The following GRID2IP variants were observed in gnomAD, a reference collection of about 807,000 sequenced individuals.
The protein encoded by GRID2IP is Grid2 interacting protein, also known as delphilin.
In GRID2IP, 78 loss-of-function variants were observed where a neutral mutation model predicts 114.3. The observed-to-expected ratio is 0.68, with a 90% confidence interval of 0.57 to 0.82. GRID2IP has a LOEUF of 0.82. Among genes scored for constraint, GRID2IP ranks in the 40% least tolerant of loss-of-function variants. The probability of loss-of-function intolerance (pLI) is 0.00; values close to 1 mark genes in which losing one functional copy is unlikely to be tolerated. For synonymous variants in GRID2IP, 809 were observed against 724.0 expected (o/e 1.12, Z -1.89); for missense variants, 1,727 against 1,678.5 (o/e 1.03, Z -0.51).
Position 6,520,676 on chromosome 7 carries a change from C to T in GRID2IP, c.1170G>A (p.Arg390=), listed in dbSNP as rs1314196604. 2.6e-6 allele frequency: 4 copies of T among 1,551,690 alleles called. No homozygotes were observed. The highest frequency in any genetic ancestry group is 1.2e-5 in the South Asian group (1 of 84,058). ...GCTGGCTGAAGGTCCTCCCTTGGAC[C>T]CGGATGCTGGACGGCAGGATCTCCG... ...WVAEILPSSI[R]VQGRTFSQQL... The change falls in exon 7 of 22, where the codon CGG becomes CGA. Residue 390 remains arginine (R), a synonymous_variant. Transcript: ENST00000457091. This position sits in a 1 kb window ranked among gnomAD's most constrained non-coding sequence, Gnocchi z 4.6.
intron 1 of GRID2IP, among the ~76,000 whole-genome samples, chr7:6,549,466 C>T (rs913579544): frequency 3.9e-5 from 6 of 152,202 alleles, no homozygotes; most frequent in African/African-American, 1.4e-4. Context: ...CTGGTTTGTG[C>T]CAAAGTCAAG....
At position 6,536,346 on chromosome 7, in the gene GRID2IP, G is replaced by C. The variant is rs1779721994; in HGVS notation, c.584+3372C>G. ...CTGCCGTTTCAAGCTGCGGGGACTG[G>C]GCATCCCCAGGTGTCCAGGGCTCCC... On this transcript the variant is annotated intron_variant, in intron 2 of 21. Coordinates refer to ENST00000457091, the MANE Select transcript of GRID2IP (RefSeq NM_001145118.2). The surrounding 1 kb of genome is among the most constrained non-coding windows in gnomAD (Gnocchi z 5.3). Among the ~76,000 whole-genome samples, 1 of 152,214 alleles carries C rather than the reference G, an allele frequency of 6.6e-6. No homozygotes were observed. The highest frequency in any genetic ancestry group is 2.4e-5 in the African/African-American group (1 of 41,462).
At chr7:6,515,721 T>C (rs114084353) in intron 7 of GRID2IP, among the ~76,000 whole-genome samples, 2,859 of 150,908 alleles carry the variant, frequency 0.019, 96 homozygotes, top group African/African-American at 0.066. Flanking sequence ...GAGGCGGAGG[T>C]TGCACCGAGC....
chr7:6,500,845 C>T (rs1786395209), intron 20 of GRID2IP, among the ~76,000 whole-genome samples: 1 of 152,246 alleles, frequency 6.6e-6, no homozygotes. Context: ...GCCTCTGTCA[C>T]CCACTGGCCA....
chr7:6,514,606 G>T, intron 7 of GRID2IP, 77 bp from the exon 8 acceptor site: 1 of 1,312,982 alleles, frequency 7.6e-7, no homozygotes, highest in Non-Finnish European at 1.0e-6. Context: ...TAGACAAGAC[G>T]GCACTTCCAA....
At chr7:6,515,157 T>G (rs1408752070) in intron 7 of GRID2IP, among the ~76,000 whole-genome samples, 6 of 151,964 alleles carry the variant, frequency 3.9e-5, no homozygotes, top group Non-Finnish European at 4.4e-5. Flanking sequence ...AGAGCTGTTG[T>G]GAAGATTAAA....
At position 6,512,083 on chromosome 7, in the gene GRID2IP, A is replaced by ATT. The variant is rs548008337; in HGVS notation, c.1424-1046_1424-1045dup. On this transcript the variant is annotated intron_variant, in intron 8 of 21. Coordinates refer to ENST00000457091, the MANE Select transcript of GRID2IP (RefSeq NM_001145118.2). ...CCACCATGCCTGGCTAAATTTTTGTATTTTTTTTTTTTAAGCAGAGATGGG... is the reference window on the plus strand; with the variant it reads ...CCACCATGCCTGGCTAAATTTTTGTATTTTTTTTTTTTTTAAGCAGAGATGGG... Among the ~76,000 whole-genome samples, 5 of 139,792 alleles carry ATT rather than the reference A, an allele frequency of 3.6e-5. No homozygotes were observed. The South Asian group carries it at 9.2e-4, about 26-fold the overall frequency. 91.7% of individuals were successfully genotyped at this position (139,792 alleles called of 152,430 possible). A position where few individuals can be genotyped will look rare whatever the true frequency, so the allele number is the denominator to read the frequency against.
Position 6,508,285 on chromosome 7 carries a change from G to A in GRID2IP, c.2244C>T (p.His748=). The A allele has an allele frequency of 7.8e-6, 12 of 1,547,846 alleles. No homozygotes were observed. The highest frequency in any genetic ancestry group is 1.4e-5 in the African/African-American group (1 of 72,970). Residue 748 remains histidine (H), a synonymous_variant, in exon 13 of 22, where the codon CAC becomes CAT. Coordinates refer to ENST00000457091, the MANE Select transcript of GRID2IP (RefSeq NM_001145118.2). This position sits in a 1 kb window ranked among gnomAD's most constrained non-coding sequence, Gnocchi z 5.6. The part of the protein sequence containing the change: ...SSLTYSSISD[H]IPPPPLSPPP... Reference sequence around the variant, plus strand: ...GGGGGCTGAGCGGGGGTGGGGGGATGTGGTCAGAGATGGAGGAGTAGGTCA... The same window carrying A: ...GGGGGCTGAGCGGGGGTGGGGGGATATGGTCAGAGATGGAGGAGTAGGTCA...
chr7:6,551,118 A>T lies in GRID2IP; in HGVS notation c.319T>A (p.Cys107Ser), dbSNP rs2115106510. 7.7e-7 allele frequency: 1 copy of T among 1,295,862 alleles called. No homozygotes were observed. The highest frequency in any genetic ancestry group is 9.7e-7 in the Non-Finnish European group (1 of 1,025,942). The allele number at this position is 1,295,862 out of a possible 1,614,324, so 80.3% of individuals were successfully genotyped here. A position where few individuals can be genotyped will look rare whatever the true frequency, so the allele number is the denominator to read the frequency against. ...CGGCCCAGAGCTAGGCCGCGGCCGC[A>T]CCGCGGGGCCCGCAAGACTGTGGTC... Reference protein sequence around the residue: ...APTTVLRAPRCGRGLALGREL... With the variant: ...APTTVLRAPRSGRGLALGREL... The change falls in exon 1 of 22, where the codon TGC becomes AGC. Residue 107 changes from cysteine to serine, a missense_variant. Physicochemically the swap from Cys to Ser is moderately radical, Grantham distance 112. Coordinates refer to ENST00000457091, the MANE Select transcript of GRID2IP (RefSeq NM_001145118.2).
intron 2 of GRID2IP, among the ~76,000 whole-genome samples, chr7:6,533,426 A>G (rs1288223911): frequency 6.6e-6 from 1 of 152,118 alleles, no homozygotes; most frequent in Non-Finnish European, 1.5e-5. Context: ...TGGCATGATC[A>G]TGAATCACTG....
intron 18 of GRID2IP, 22 bp from the exon 19 acceptor site, chr7:6,502,140 C>T (rs536057091): frequency 6.4e-7 from 1 of 1,550,400 alleles, no homozygotes; most frequent in South Asian, 1.2e-5. Flanking sequence ...CCCCAATATA[C>T]ATTCCCGTCA....
In GRID2IP at chr7:6,509,253, T is replaced by C; in HGVS notation, c.1832A>G (p.Tyr611Cys). 1 of 1,525,186 alleles carries C rather than the reference T, an allele frequency of 6.6e-7. No individual in the cohort carries two copies. Among genetic ancestry groups the C allele is most frequent in the Non-Finnish European group, 8.8e-7 (1 of 1,134,136 alleles). The allele number at this position is 1,525,186 out of a possible 1,614,324, so 94.5% of individuals were successfully genotyped here. A position where few individuals can be genotyped will look rare whatever the true frequency, so the allele number is the denominator to read the frequency against. Reference sequence around the variant, plus strand: ...CAGACCCCCCGAACACAGCGGGTGGTAGCAGGGGGAGGGCAAGAGTCGCTC... The same window carrying C: ...CAGACCCCCCGAACACAGCGGGTGGCAGCAGGGGGAGGGCAAGAGTCGCTC... ...PSERLLPSPCYHPLCSGGLAS... is the reference protein window; with the variant it reads ...PSERLLPSPCCHPLCSGGLAS... Residue 611 changes from tyrosine to cysteine, a missense_variant, in exon 12 of 22, where the codon TAC (tyrosine) becomes TGC (cysteine). By Grantham distance (194) the Tyr-to-Cys change is radical. Transcript: ENST00000457091. The surrounding 1 kb of genome is among the most constrained non-coding windows in gnomAD (Gnocchi z 4.9).
At chr7:6,498,572 C>CTTTTTTTTT (rs34146767) in intron 20 of GRID2IP, among the ~76,000 whole-genome samples, 1 of 68,128 alleles carries the variant, frequency 1.5e-5, no homozygotes, top group African/African-American at 7.3e-5. Flanking sequence ...CTAGGCCTTA[C>CTTTTTTTTT]TTTTTTTTTT....
chr7:6,546,699 C>T (rs1003130573), intron 1 of GRID2IP, among the ~76,000 whole-genome samples: 3 of 152,080 alleles, frequency 2.0e-5, no homozygotes, highest in Non-Finnish European at 2.9e-5. Flanking sequence ...CAAAATCCTC[C>T]ACTTCCCCGT....
chr7:6,503,449 G>A, intron 16 of GRID2IP, 42 bp downstream of exon 16: 1 of 1,472,410 alleles, frequency 6.8e-7, no homozygotes, highest in Non-Finnish European at 8.9e-7. Flanking sequence ...CAGCCCCTGT[G>A]GAGCCGGCCG....
Position 6,551,193 on chromosome 7 carries a change from G to A in GRID2IP, c.244C>T (p.Leu82Phe). The change falls in exon 1 of 22, where the codon CTC becomes TTC. Residue 82 changes from leucine to phenylalanine, a missense_variant. Coordinates refer to ENST00000457091, the MANE Select transcript of GRID2IP (RefSeq NM_001145118.2). ...CCGGGGCCACCGTCGGGAGCCGGGA[G>A]CACGCCCAGACTGGGCGGCACACGT... ...CPRVPPSLGV[L>F]PAPDGGPGPG... is the part of the protein sequence containing the mutation. The A allele has an allele frequency of 7.1e-7, 1 of 1,416,416 alleles. No individual in the cohort carries two copies. Among genetic ancestry groups the A allele is most frequent in the Non-Finnish European group, 9.1e-7 (1 of 1,094,868 alleles). The allele number at this position is 1,416,416 out of a possible 1,614,324, so 87.7% of individuals were successfully genotyped here.
chr7:6,503,310 CCG>C, intron 16 of GRID2IP, 147 bp from the exon 17 acceptor site: 1 of 1,056,034 alleles, frequency 9.5e-7, no homozygotes, highest in South Asian at 1.7e-5. Context: ...CTGGGGGAGC[CCG>C]CCTCCCATGT....
intron 1 of GRID2IP, among the ~76,000 whole-genome samples, chr7:6,544,760 G>A (rs949174246): frequency 3.9e-5 from 6 of 152,068 alleles, no homozygotes; most frequent in Non-Finnish European, 5.9e-5. Flanking sequence ...AGACCAGCCT[G>A]GGCAACATAA....
intron 1 of GRID2IP, among the ~76,000 whole-genome samples, chr7:6,545,943 G>C (rs1293594955): frequency 1.3e-5 from 2 of 152,056 alleles, no homozygotes; most frequent in African/African-American, 4.8e-5. Flanking sequence ...TGGCTGCAGA[G>C]ATGTTTTATG....
Sources: gnomAD v4.1 joint callset for allele counts (sites outside exome capture counted in the v4.1 genomes callset) on GRCh38, gnomAD v4.1.1 for gene constraint, Gnocchi (gnomAD v3.1) non-coding constraint, MANE v1.5 for transcripts, NCBI Gene and HGNC (gene_info 2026-07-23, HGNC 2026-07-21) for gene names.